The following RIMS2 variants were observed in gnomAD, a reference collection of about 807,000 sequenced individuals.
RIMS2 encodes regulating synaptic membrane exocytosis protein 2.
Under a neutral mutation model 174.4 loss-of-function variants are expected in RIMS2, and 59 were observed. The ratio of observed to expected loss-of-function variants is 0.34; its 90% confidence interval spans 0.27 to 0.42. RIMS2 has a LOEUF of 0.42. Among genes scored for constraint, RIMS2 ranks in the 10% least tolerant of loss-of-function variants. The pLI is 1.00. For missense variants in RIMS2, 1,620 were observed against 1,666.3 expected, an observed-to-expected ratio of 0.97 and a Z score of 0.48; for synonymous variants, 606 against 572.5, an observed-to-expected ratio of 1.06 and a Z score of -0.84.
At position 104,213,877 on chromosome 8, in the gene RIMS2, GAA is replaced by G. The variant is rs748783814; in HGVS notation, c.3335-31027_3335-31026del. 4.7e-3 allele frequency among the ~76,000 whole-genome samples: 633 copies of G among 134,226 alleles called. 8 individuals carry two copies. Among genetic ancestry groups the G allele is most frequent in the African/African-American group, 0.016 (592 of 35,882 alleles). 88.1% of individuals were successfully genotyped at this position (134,226 alleles called of 152,430 possible). A position where few individuals can be genotyped will look rare whatever the true frequency, so the allele number is the denominator to read the frequency against. On this transcript the variant is annotated intron_variant, in intron 19 of 23. Transcript: ENST00000504942. The stretch of plus-strand genomic sequence containing the variant: ...GGTGACAGAGCGAGACTCTGCCTCG[GAA>G]AAAAAAAAAAAGAAGAAGAAGAAGA...
At chr8:103,672,786 C>T (rs1339489585) in intron 1 of RIMS2, among the ~76,000 whole-genome samples, 1 of 152,074 alleles carries the variant, frequency 6.6e-6, no homozygotes, top group Non-Finnish European at 1.5e-5. Flanking sequence ...AATCTCATTT[C>T]CTTCTCACAT....
chr8:103,852,473 T>C (rs1319588515), intron 3 of RIMS2, among the ~76,000 whole-genome samples: 1 of 151,634 alleles, frequency 6.6e-6, no homozygotes, highest in African/African-American at 2.4e-5. Context: ...TTGTGCTCAA[T>C]TGCAGTATAT....
intron 1 of RIMS2, among the ~76,000 whole-genome samples, chr8:103,561,227 CAA>C (rs34766659): frequency 0.12 from 18,852 of 152,034 alleles, 1,256 homozygotes; most frequent in Middle Eastern, 0.22. Context: ...ATGGGCTTAA[CAA>C]AGAGCAATTT....
At chr8:103,881,182 C>T (rs988171699) in intron 3 of RIMS2, among the ~76,000 whole-genome samples, 3 of 151,360 alleles carry the variant, frequency 2.0e-5, no homozygotes, top group Non-Finnish European at 4.4e-5. Flanking sequence ...TAGTAATCTT[C>T]AAATTTTGCA....
intron 15 of RIMS2, 93 bp from the exon 18 acceptor site, chr8:103,975,256 AT>A: frequency 1.4e-6 from 1 of 721,296 alleles, no homozygotes. Flanking sequence ...AAGTCTTTAA[AT>A]TTCACCAACA....
intron 4 of RIMS2, among the ~76,000 whole-genome samples, chr8:103,909,261 A>C (rs1270084511): frequency 6.6e-6 from 1 of 152,072 alleles, no homozygotes; most frequent in Non-Finnish European, 1.5e-5. Flanking sequence ...AAATAAAATT[A>C]TAAATAGAAT....
At chr8:103,517,429 A>G (rs1273689227) in intron 1 of RIMS2, among the ~76,000 whole-genome samples, 1 of 152,142 alleles carries the variant, frequency 6.6e-6, no homozygotes, top group African/African-American at 2.4e-5. Context: ...GTGGAAGGTG[A>G]AGCTAGTTGG....
At chr8:103,838,747 G>A (rs2098920066) in intron 3 of RIMS2, among the ~76,000 whole-genome samples, 2 of 151,880 alleles carry the variant, frequency 1.3e-5, no homozygotes, top group African/African-American at 2.4e-5. Context: ...CTATTATTGC[G>A]TGTTTCACTT....
At chr8:104,196,255 T>C (rs1427189796) in intron 19 of RIMS2, among the ~76,000 whole-genome samples, 2 of 152,164 alleles carry the variant, frequency 1.3e-5, no homozygotes, top group Non-Finnish European at 2.9e-5. Context: ...TTCTCTCTTG[T>C]TTTTCCTTTT....
chr8:103,732,203 G>A (rs1454228037), intron 2 of RIMS2, among the ~76,000 whole-genome samples: 8 of 152,192 alleles, frequency 5.3e-5, no homozygotes, highest in African/African-American at 1.9e-4. Context: ...ACTCACCGAG[G>A]TGCTGATGCC....
At chr8:103,813,772 T>C (rs969631643) in intron 3 of RIMS2, among the ~76,000 whole-genome samples, 1 of 152,182 alleles carries the variant, frequency 6.6e-6, no homozygotes, top group Non-Finnish European at 1.5e-5. Flanking sequence ...ATGGTGTATA[T>C]GTGCCATATT....
At chr8:104,131,492 T>C (rs1566593491) in intron 19 of RIMS2, among the ~76,000 whole-genome samples, 1 of 152,186 alleles carries the variant, frequency 6.6e-6, no homozygotes, top group African/African-American at 2.4e-5. Context: ...AAATATGTTA[T>C]ATTTGATGAT....
chr8:103,920,525 C>A (rs897046206), intron 9 of RIMS2, among the ~76,000 whole-genome samples: 1 of 152,114 alleles, frequency 6.6e-6, no homozygotes, highest in Non-Finnish European at 1.5e-5. Context: ...CCCCTCATTT[C>A]CAATTAGGCA....
intron 2 of RIMS2, among the ~76,000 whole-genome samples, chr8:103,742,811 G>A (rs2139401470): frequency 6.6e-6 from 1 of 152,210 alleles, no homozygotes; most frequent in South Asian, 2.1e-4. Context: ...GCTCTCTGGA[G>A]CAGTGCATTC....
intron 19 of RIMS2, among the ~76,000 whole-genome samples, chr8:104,155,349 G>T (rs2098715669): frequency 6.8e-6 from 1 of 147,846 alleles, no homozygotes; most frequent in East Asian, 2.0e-4. Flanking sequence ...CTCGTGATCT[G>T]CCCGCCTCGG....
intron 17 of RIMS2, among the ~76,000 whole-genome samples, chr8:104,001,783 T>C (rs1225897548): frequency 1.3e-5 from 2 of 152,078 alleles, no homozygotes; most frequent in Non-Finnish European, 2.9e-5. Context: ...CATTCTCCTG[T>C]ATTTATTTCT....
chr8:103,713,247 G>A (rs1036919867), intron 2 of RIMS2, among the ~76,000 whole-genome samples: 16 of 152,156 alleles, frequency 1.1e-4, no homozygotes, highest in Non-Finnish European at 7.3e-5. Flanking sequence ...TCGAACTACT[G>A]ACCTCAGGTG....
chr8:103,824,805 T>C (rs1301589595), intron 3 of RIMS2, among the ~76,000 whole-genome samples: 1 of 152,226 alleles, frequency 6.6e-6, no homozygotes, highest in Non-Finnish European at 1.5e-5. Flanking sequence ...AACTCAGGAC[T>C]TACGGTTACT....
At chr8:103,546,336 C>T (rs957592206) in intron 1 of RIMS2, among the ~76,000 whole-genome samples, 2 of 152,106 alleles carry the variant, frequency 1.3e-5, no homozygotes, top group African/African-American at 4.8e-5. Flanking sequence ...AGTTAACTAT[C>T]CTAAATATAT....
Sources: gnomAD v4.1 joint callset for allele counts (sites outside exome capture counted in the v4.1 genomes callset) on GRCh38, gnomAD v4.1.1 for gene constraint, MANE v1.5 for transcripts, NCBI Gene and HGNC (gene_info 2026-07-23, HGNC 2026-07-21) for gene names.